TRPC5: variants seen among roughly 807,000 people sequenced by gnomAD.
The protein encoded by TRPC5 is transient receptor potential cation channel subfamily C member 5.
Under a neutral mutation model 56.5 loss-of-function variants are expected in TRPC5, and 9 were observed. The ratio of observed to expected loss-of-function variants is 0.16; its 90% confidence interval spans 0.10 to 0.28. The LOEUF is 0.28. Among genes scored for constraint, TRPC5 ranks in the 10% least tolerant of loss-of-function variants. The probability of loss-of-function intolerance (pLI) is 1.00; values close to 1 mark genes in which losing one functional copy is unlikely to be tolerated. For missense variants in TRPC5, 469 were observed against 748.9 expected (o/e 0.63, Z 4.36); for synonymous variants, 282 against 278.5 (o/e 1.01, Z -0.13).
intron 7 of TRPC5, among the ~76,000 whole-genome samples, chrX:111,802,868 A>AT (rs907590242): frequency 2.7e-5 from 3 of 110,869 alleles, no homozygotes; most frequent in Admixed American, 9.7e-5. Flanking sequence ...TTATTTATGT[A>AT]TTTTTTTATT....
chrX:111,783,921 A>G (rs1327949904), intron 7 of TRPC5, among the ~76,000 whole-genome samples: 1 of 111,879 alleles, frequency 8.9e-6, no homozygotes, highest in Non-Finnish European at 1.9e-5. Context: ...CTTTAGTTCT[A>G]TGATCCATTT....
At chrX:111,916,860 CA>C (rs773111218) in intron 2 of TRPC5, among the ~76,000 whole-genome samples, 16 of 112,870 alleles carry the variant, frequency 1.4e-4, no homozygotes, top group Non-Finnish European at 2.8e-4. Context: ...AATTTGGCTC[CA>C]GTGAACCAGT....
At chrX:111,817,060 A>G (rs1921879443) in intron 7 of TRPC5, among the ~76,000 whole-genome samples, 1 of 111,703 alleles carries the variant, frequency 9.0e-6, no homozygotes, top group African/African-American at 3.3e-5. Context: ...ACATAGTGGA[A>G]GAATCCTCCT....
chrX:112,008,401 C>G (rs1373372813), intron 1 of TRPC5, among the ~76,000 whole-genome samples: 2 of 110,701 alleles, frequency 1.8e-5, no homozygotes, highest in African/African-American at 6.6e-5. Flanking sequence ...ACCATCCTGG[C>G]TAACACAGTG....
In TRPC5 at chrX:111,852,291, A is replaced by G. The variant is rs1923107209; in HGVS notation, c.1377+7T>C. 1 of 1,205,866 alleles carries G rather than the reference A, an allele frequency of 8.3e-7. No homozygotes were observed. The highest frequency in any genetic ancestry group is 3.0e-5 in the East Asian group (1 of 33,587). On this transcript the variant is annotated splice_region_variant and intron_variant, in intron 5 of 10. Transcript: ENST00000262839. ...GTGTAGGAAATATGGCAGACATTCCAATTTACCTTGACATAGGCCACAATC... is the reference window on the plus strand; with the variant it reads ...GTGTAGGAAATATGGCAGACATTCCGATTTACCTTGACATAGGCCACAATC...
intron 1 of TRPC5, among the ~76,000 whole-genome samples, chrX:111,955,253 C>A (rs1358007186): frequency 8.9e-6 from 1 of 112,081 alleles, no homozygotes; most frequent in Non-Finnish European, 1.9e-5. Context: ...AAAAATAAAT[C>A]TACAAAGGTT....
At chrX:111,787,478 A>C (rs2148552919) in intron 7 of TRPC5, among the ~76,000 whole-genome samples, 1 of 110,775 alleles carries the variant, frequency 9.0e-6, no homozygotes, top group South Asian at 3.9e-4. Flanking sequence ...TGGACACCCT[A>C]ACATCACAAT....
At chrX:112,003,585 T>A (rs1402432852) in intron 1 of TRPC5, among the ~76,000 whole-genome samples, 1 of 110,481 alleles carries the variant, frequency 9.1e-6, no homozygotes, top group African/African-American at 3.3e-5. Flanking sequence ...AGTGCTGGTT[T>A]GCATATGCAA....
At chrX:111,820,355 A>G (rs1370240942) in intron 7 of TRPC5, among the ~76,000 whole-genome samples, 1 of 112,125 alleles carries the variant, frequency 8.9e-6, no homozygotes, top group Non-Finnish European at 1.9e-5. Flanking sequence ...GTTTGAAAAT[A>G]GACACATTTT....
At chrX:111,874,015 G>A (rs1272121410) in intron 3 of TRPC5, among the ~76,000 whole-genome samples, 1 of 111,228 alleles carries the variant, frequency 9.0e-6, no homozygotes, top group Non-Finnish European at 1.9e-5. Context: ...TCTTTCTCTG[G>A]TAGAGAAAGG....
chrX:111,956,026 T>C (rs773584991), intron 1 of TRPC5, among the ~76,000 whole-genome samples: 2 of 112,766 alleles, frequency 1.8e-5, no homozygotes, highest in South Asian at 7.3e-4. Context: ...CCTCTTTTCT[T>C]TGCTGCTGGC....
intron 3 of TRPC5, among the ~76,000 whole-genome samples, chrX:111,894,661 G>T (rs1196252702): frequency 1.8e-5 from 2 of 111,618 alleles, no homozygotes; most frequent in Non-Finnish European, 3.8e-5. Context: ...ATCCTGGTAA[G>T]ACTCTTATCA....
chrX:111,902,223 C>CAGAGAAA, intron 3 of TRPC5: 1 of 880,068 alleles, frequency 1.1e-6, no homozygotes, highest in Non-Finnish European at 1.5e-6. Flanking sequence ...GATGTGAAAA[C>CAGAGAAA]TGATCATTTC....
At position 111,968,719 on chromosome X, in the gene TRPC5, G is replaced by GC. The variant is rs1369154913; in HGVS notation, c.-21-16279dup. Among the ~76,000 whole-genome samples the GC allele has an allele frequency of 5.8e-5, 6 of 103,819 alleles. No individual in the cohort carries two copies. The East Asian group carries it at 1.9e-3, about 32-fold the overall frequency. 90.2% of individuals were successfully genotyped at this position (103,819 alleles called of 115,157 possible). A position where few individuals can be genotyped will look rare whatever the true frequency, so the allele number is the denominator to read the frequency against. ...AAACCATCATTCTCAGCAAACTATC[G>GC]CAAGGACAAAAAACCAAACACTGCA... On this transcript the variant is annotated intron_variant, in intron 1 of 10. Transcript: ENST00000262839.
At position 111,912,276 on chromosome X, in the gene TRPC5, A is replaced by G. The variant is rs373065503; in HGVS notation, c.900+15T>C. The G allele has an allele frequency of 1.5e-5, 18 of 1,177,368 alleles. No homozygotes were observed. The highest frequency in any genetic ancestry group is 2.0e-5 in the Non-Finnish European group (18 of 878,469). Reference sequence around the variant, plus strand: ...GCTTTAAGCTTCCCTGAAAGCAGACATGAGCTCAGCTTACCTCTTTCTGGT... The same window carrying G: ...GCTTTAAGCTTCCCTGAAAGCAGACGTGAGCTCAGCTTACCTCTTTCTGGT... On this transcript the variant is annotated intron_variant, in intron 3 of 10. Transcript: ENST00000262839.
chrX:111,945,670 G>A (rs1926915421), intron 2 of TRPC5, among the ~76,000 whole-genome samples: 1 of 112,016 alleles, frequency 8.9e-6, no homozygotes, highest in Non-Finnish European at 1.9e-5. Flanking sequence ...CTTTGTCTGA[G>A]ATGATAGACT....
rs1200010513 is a variant in TRPC5, at chrX:111,773,237, C to G, written c.*3076G>C. Reference sequence around the variant, plus strand: ...TTCCGAAAATGATTTTAAATTTAGTCTTTCCTCTGTATTTCACTGGACATA... The same window carrying G: ...TTCCGAAAATGATTTTAAATTTAGTGTTTCCTCTGTATTTCACTGGACATA... On this transcript the variant is annotated 3_prime_UTR_variant, in exon 11 of 11. Coordinates refer to ENST00000262839, the MANE Select transcript of TRPC5 (RefSeq NM_012471.3). Among the ~76,000 whole-genome samples, 2 of 111,859 alleles carry G rather than the reference C, an allele frequency of 1.8e-5. No individual in the cohort carries two copies. Among genetic ancestry groups the G allele is most frequent in the African/African-American group, 6.5e-5 (2 of 30,813 alleles).
At chrX:112,052,867 CTG>C (rs1177985573) in intron 1 of TRPC5, among the ~76,000 whole-genome samples, 1 of 112,018 alleles carries the variant, frequency 8.9e-6, no homozygotes, top group African/African-American at 3.2e-5. Context: ...GTTGAAAAGA[CTG>C]TTATTTCCCC....
intron 1 of TRPC5, among the ~76,000 whole-genome samples, chrX:112,012,710 T>C (rs946280748): frequency 2.9e-4 from 32 of 112,058 alleles, no homozygotes; most frequent in Middle Eastern, 4.6e-3. Flanking sequence ...CCTCTTTCCA[T>C]CGCCCTAGCT....
Sources: allele counts gnomAD v4.1 joint callset (sites outside exome capture counted in the v4.1 genomes callset), GRCh38; gene constraint gnomAD v4.1.1; transcripts MANE v1.5; gene names NCBI Gene and HGNC (gene_info 2026-07-23, HGNC 2026-07-21).